MYO1F: variants seen among roughly 807,000 people sequenced by gnomAD.
The protein encoded by MYO1F is myosin IF.
Under a neutral mutation model 146.6 loss-of-function variants are expected in MYO1F, and 60 were observed. The ratio of observed to expected loss-of-function variants is 0.41; its 90% CI spans 0.33 to 0.51. MYO1F has a LOEUF of 0.51. MYO1F is among the 20% of genes least tolerant of loss of function. The probability of loss-of-function intolerance (pLI) is 0.25; values close to 1 mark genes in which losing one functional copy is unlikely to be tolerated. For missense variants in MYO1F, 1,274 were observed against 1,534.3 expected (o/e 0.83, Z 2.83); for synonymous variants, 602 against 602.1 (o/e 1.00, Z 0.00).
chr19:8,553,894 A>ACACACACACTCTCTCTCT, intron 4 of MYO1F, among the ~76,000 whole-genome samples: 115 of 102,650 alleles, frequency 1.1e-3, no homozygotes, highest in African/African-American at 4.1e-3. Context: ...ACACACACAC[A>ACACACACACTCTCTCTCT]CTCTCTCTCT....
chr19:8,537,294 C>T (rs371583512), intron 16 of MYO1F, among the ~76,000 whole-genome samples: 1 of 152,116 alleles, frequency 6.6e-6, no homozygotes, highest in African/African-American at 2.4e-5. Flanking sequence ...ACAAGGAGCT[C>T]TCACGTCTAC....
intron 19 of MYO1F, among the ~76,000 whole-genome samples, chr19:8,535,631 C>G (rs1355092499): frequency 6.6e-6 from 1 of 151,876 alleles, no homozygotes; most frequent in East Asian, 1.9e-4. Context: ...CTATTTCTTC[C>G]AGAGTGTCTC....
chr19:8,531,642 G>A (rs1832055616), intron 19 of MYO1F, among the ~76,000 whole-genome samples: 1 of 152,182 alleles, frequency 6.6e-6, no homozygotes, highest in Admixed American at 6.5e-5. Context: ...CATGATAACA[G>A]TGAGTCACTA....
At chr19:8,531,203 C>T (rs1261631151) in intron 19 of MYO1F, among the ~76,000 whole-genome samples, 3 of 149,404 alleles carry the variant, frequency 2.0e-5, no homozygotes, top group Admixed American at 6.7e-5. Context: ...TAAAATTAGC[C>T]GGGCATGGTG....
At position 8,550,337 on chromosome 19, in the gene MYO1F, G is replaced by A. The variant is rs1973550555; in HGVS notation, c.924C>T (p.Tyr308=). Residue 308 remains tyrosine (Y), a synonymous_variant, in exon 10 of 28, where the codon TAC becomes TAT. Transcript: ENST00000644032. ...GTCGCCCGCTGTCAATGCCCAGCAG[G>A]TAGGCGGGAAAGGCCAGGACTACCA... ...ESVDLLAFPA[Y]LLGIDSGRLQ... 2 of 1,613,208 alleles carry A rather than the reference G, an allele frequency of 1.2e-6. No individual in the cohort carries two copies. The highest frequency in any genetic ancestry group is 1.3e-5 in the African/African-American group (1 of 75,036).
At chr19:8,544,259 C>T (rs761997953) in intron 14 of MYO1F, 38 bp downstream of exon 14, 24 of 1,606,984 alleles carry the variant, frequency 1.5e-5, no homozygotes, top group Non-Finnish European at 1.8e-5. Flanking sequence ...TGGGGGTCTG[C>T]GAGGAGGCAC....
At chr19:8,540,271 TG>T in intron 15 of MYO1F, 1 of 440,252 alleles carries the variant, frequency 2.3e-6, no homozygotes, top group Non-Finnish European at 4.0e-6. Context: ...CTGGAACTCC[TG>T]GGCTCAAGCC....
chr19:8,541,433 T>G (rs970194142), intron 15 of MYO1F, among the ~76,000 whole-genome samples: 6 of 145,088 alleles, frequency 4.1e-5, no homozygotes, highest in African/African-American at 1.0e-4. Context: ...GTGTTTTTTT[T>G]TTTTTTTTTT....
chr19:8,522,023 CTTT>C lies in MYO1F; in HGVS notation c.3220+351_3220+353del, dbSNP rs34105946. 6.3e-3 allele frequency among the ~76,000 whole-genome samples: 843 copies of C among 133,368 alleles called. 14 individuals carry two copies. The highest frequency in any genetic ancestry group is 0.023 in the African/African-American group (785 of 34,872). The allele number at this position is 133,368 out of a possible 152,430, so 87.5% of individuals were successfully genotyped here. ...CTGCCTGGCAATGTCAGTCAGGGTT[CTTT>C]TTTTTTTTTTTTTTGAGACGGAGTC... On this transcript the variant is annotated intron_variant, in intron 27 of 27. Coordinates refer to ENST00000644032, the MANE Select transcript of MYO1F (RefSeq NM_012335.4).
intron 27 of MYO1F, 95 bp from the exon 28 acceptor site, chr19:8,521,699 G>A (rs1001195005): frequency 8.5e-7 from 1 of 1,170,812 alleles, no homozygotes; most frequent in Non-Finnish European, 1.3e-6. Context: ...GACTCCCTAT[G>A]TTGTCCAGGC....
Position 8,530,082 on chromosome 19 carries a change from G to A in MYO1F, c.2328+114C>T. 7.0e-7 allele frequency: 1 copy of A among 1,429,918 alleles called. No individual in the cohort carries two copies. The highest frequency in any genetic ancestry group is 9.8e-7 in the Non-Finnish European group (1 of 1,020,762). The allele number at this position is 1,429,918 out of a possible 1,614,324, so 88.6% of individuals were successfully genotyped here. On this transcript the variant is annotated intron_variant, in intron 21 of 27. Transcript: ENST00000644032. This position sits in a 1 kb window ranked among gnomAD's most constrained non-coding sequence, Gnocchi z 5.8. ...GGCCAGGTGAGGGTGTACCTGTGAT[G>A]GAACAGATGGATCTAGGCTGGGGGA... is the stretch of plus-strand genomic sequence containing the variant.
At chr19:8,573,310 C>CA (rs1294532309) in intron 1 of MYO1F, among the ~76,000 whole-genome samples, 95 of 145,522 alleles carry the variant, frequency 6.5e-4, no homozygotes, top group African/African-American at 1.9e-3. Flanking sequence ...GACTCTGTCT[C>CA]AAAAAAAAAA....
At chr19:8,531,454 TCCTCCCACCTCTG>T (rs2145839999) in intron 19 of MYO1F, among the ~76,000 whole-genome samples, 1 of 152,106 alleles carries the variant, frequency 6.6e-6, no homozygotes, top group East Asian at 1.9e-4. Flanking sequence ...GTTCAAGTGA[TCCTCCCACCTCTG>T]CCTCCTGAGT....
chr19:8,555,917 C>G, intron 1 of MYO1F, 121 bp from the exon 2 acceptor site: 1 of 1,080,044 alleles, frequency 9.3e-7, no homozygotes, highest in Admixed American at 2.5e-5. Flanking sequence ...TTCCTCCTTC[C>G]CCATCTCCAG....
intron 21 of MYO1F, chr19:8,529,877 T>C (rs987296384): frequency 1.9e-6 from 1 of 520,992 alleles, no homozygotes; most frequent in Non-Finnish European, 3.5e-6. Flanking sequence ...GGCTGGGGGA[T>C]AGATACCTGT....
intron 9 of MYO1F, 78 bp from the exon 10 acceptor site, chr19:8,550,434 C>T: frequency 1.3e-6 from 2 of 1,587,672 alleles, no homozygotes; most frequent in South Asian, 2.3e-5. Flanking sequence ...TCCTATTATC[C>T]CCATCTTGCC....
chr19:8,537,001 G>T lies in MYO1F; in HGVS notation c.1747C>A (p.Arg583Ser). 6.2e-7 allele frequency: 1 copy of T among 1,613,560 alleles called. No individual in the cohort carries two copies. The highest frequency in any genetic ancestry group is 8.5e-7 in the Non-Finnish European group (1 of 1,179,830). The change falls in exon 17 of 28, where the codon CGC (arginine) becomes AGC (serine). Residue 583 changes from arginine (R) to serine (S), a missense_variant. Physicochemically the swap from Arg to Ser is moderately radical, Grantham distance 110. Around this residue, in one of 2 missense-constraint regions of MYO1F, gnomAD observed 900 missense variants for 1,155.1 expected, o/e 0.78. Transcript: ENST00000644032. ...TTGGTCTCGTTGGGTTTGATGCAGC[G>T]GATGTAGTGGGGTGTGCACCTCATC... ...TLMRCTPHYI[R>S]CIKPNETKRP...
In MYO1F at chr19:8,551,845, C is replaced by T. The variant is rs2145917376; in HGVS notation, c.666G>A (p.Arg222=). The change falls in exon 8 of 28, where the codon AGG becomes AGA. Residue 222 remains arginine, a synonymous_variant. Coordinates refer to ENST00000644032, the MANE Select transcript of MYO1F (RefSeq NM_012335.4). ...CCGGTGTCATGAGGCCCAGGTTCTGCCTTTGCTCCTGGGAGGCCCCTTCCA... is the reference window on the plus strand; with the variant it reads ...CCGGTGTCATGAGGCCCAGGTTCTGTCTTTGCTCCTGGGAGGCCCCTTCCA... ...QLLEGASQEQ[R]QNLGLMTPDY... 1 of 1,614,136 alleles carries T rather than the reference C, an allele frequency of 6.2e-7. No homozygotes were observed. The highest frequency in any genetic ancestry group is 1.1e-5 in the South Asian group (1 of 91,086).
At chr19:8,527,545 C>T in intron 21 of MYO1F, 62 bp from the exon 22 acceptor site, 1 of 1,594,670 alleles carries the variant, frequency 6.3e-7, no homozygotes, top group Non-Finnish European at 8.6e-7. Flanking sequence ...CACAGAGGAT[C>T]CACCCCAGGC....
Sources: allele counts gnomAD v4.1 joint callset (sites outside exome capture counted in the v4.1 genomes callset), GRCh38; gene constraint gnomAD v4.1.1; regional missense constraint gnomAD v4.1.1; non-coding constraint Gnocchi (gnomAD v3.1); transcripts MANE v1.5; gene names NCBI Gene and HGNC (gene_info 2026-07-23, HGNC 2026-07-21).